TADA2B: variants seen among roughly 807,000 people sequenced by gnomAD.
The protein encoded by TADA2B is transcriptional adaptor 2B, also known as transcriptional adapter 2-beta.
A neutral mutation model predicts 34.5 loss-of-function variants in TADA2B; 13 were observed. The observed-to-expected ratio is 0.38, with a 90% confidence interval of 0.25 to 0.60. The LOEUF (loss-of-function observed/expected upper bound fraction) is 0.60, where lower values mean the gene tolerates loss of function less well. Ranked by LOEUF, TADA2B falls within the 20% of genes least tolerant of loss-of-function variation. The pLI is 0.65. For synonymous variants in TADA2B, 240 were observed against 243.4 expected (o/e 0.99, Z 0.13); for missense variants, 442 against 575.0 (o/e 0.77, Z 2.37).
intron 1 of TADA2B, among the ~76,000 whole-genome samples, chr4:7,051,418 G>C (rs1289086493): frequency 6.6e-6 from 1 of 152,132 alleles, no homozygotes; most frequent in Non-Finnish European, 1.5e-5. Context: ...CTGGGTGCTG[G>C]GAAGCTCCTG....
rs1337333187 is a variant in TADA2B, at chr4:7,054,916, T to G, written c.1125T>G (p.Ile375Met). 1 of 1,613,930 alleles carries G rather than the reference T, an allele frequency of 6.2e-7. No homozygotes were observed. Among genetic ancestry groups the G allele is most frequent in the Admixed American group, 1.7e-5 (1 of 60,020 alleles). ...SPARYVTVKT[I>M]IIKDHLQKRQ... Reference sequence around the variant, plus strand: ...CCCGCTACGTGACTGTGAAGACTATTATAATTAAAGACCACCTCCAGAAGC... The same window carrying G: ...CCCGCTACGTGACTGTGAAGACTATGATAATTAAAGACCACCTCCAGAAGC... The change falls in exon 2 of 2, where the codon ATT (isoleucine) becomes ATG (methionine). Residue 375 changes from isoleucine to methionine, a missense_variant. Ile to Met is a conservative substitution (Grantham distance 10). Around this residue, in one of 4 missense-constraint regions of TADA2B, gnomAD observed 114 missense variants for 144.7 expected, o/e 0.79. Transcript: ENST00000310074.
chr4:7,048,217 A>G (rs1577215515), intron 1 of TADA2B, among the ~76,000 whole-genome samples: 1 of 152,048 alleles, frequency 6.6e-6, no homozygotes, highest in Non-Finnish European at 1.5e-5. Context: ...GTGGGGACTT[A>G]CCTTCCCCGC....
At chr4:7,052,672 A>G (rs4689583) in intron 1 of TADA2B, among the ~76,000 whole-genome samples, 134,584 of 152,242 alleles carry the variant, frequency 0.88, 60,692 homozygotes, top group East Asian at 1. Flanking sequence ...TGCCGGCAAT[A>G]GTTGTGACTT....
intron 1 of TADA2B, among the ~76,000 whole-genome samples, chr4:7,051,197 T>C (rs941437843): frequency 6.6e-6 from 1 of 152,222 alleles, no homozygotes; most frequent in Non-Finnish European, 1.5e-5. Context: ...GAAGGCTTCC[T>C]GGACCCGGCG....
At chr4:7,049,015 C>T (rs149187114) in intron 1 of TADA2B, among the ~76,000 whole-genome samples, 9 of 152,214 alleles carry the variant, frequency 5.9e-5, no homozygotes, top group Admixed American at 2.0e-4. Flanking sequence ...TGAACAAGGC[C>T]GCTATGAAGA....
chr4:7,043,767 G>A lies in TADA2B; in HGVS notation c.188G>A (p.Gly63Glu). ...LVDGGRFTLW[G>E]PEAEGGWTSR... ...GACGGCGGGCGCTTCACGCTCTGGG[G>A]GCCCGAGGCCGAGGGCGGCTGGACC... The change falls in exon 1 of 2, where the codon GGG (glycine) becomes GAG (glutamate). Residue 63 changes from glycine (G) to glutamate (E), a missense_variant. Transcript: ENST00000310074. 1 of 1,575,944 alleles carries A rather than the reference G, an allele frequency of 6.3e-7. No individual in the cohort carries two copies. The highest frequency in any genetic ancestry group is 8.6e-7 in the Non-Finnish European group (1 of 1,165,300).
At chr4:7,050,081 G>A (rs542686732) in intron 1 of TADA2B, among the ~76,000 whole-genome samples, 1 of 152,368 alleles carries the variant, frequency 6.6e-6, no homozygotes, top group Non-Finnish European at 1.5e-5. Flanking sequence ...ATGTCTGCAC[G>A]CTTCTGCGGA....
chr4:7,046,684 A>C (rs996291542), intron 1 of TADA2B, among the ~76,000 whole-genome samples: 3 of 152,184 alleles, frequency 2.0e-5, no homozygotes, highest in Non-Finnish European at 4.4e-5. Flanking sequence ...GCCTGGACTC[A>C]TGGGCTGTGA....
At chr4:7,047,911 C>T (rs746946722) in intron 1 of TADA2B, among the ~76,000 whole-genome samples, 2 of 152,198 alleles carry the variant, frequency 1.3e-5, no homozygotes, top group Non-Finnish European at 2.9e-5. Flanking sequence ...TGCTTTGACA[C>T]GCGCCCCTCT....
At position 7,055,112 on chromosome 4, in the gene TADA2B, T is replaced by C; in HGVS notation, c.*58T>C. The C allele has an allele frequency of 1.3e-6, 2 of 1,509,050 alleles. No homozygotes were observed. The highest frequency in any genetic ancestry group is 2.3e-5 in the East Asian group (1 of 43,188). The allele number at this position is 1,509,050 out of a possible 1,614,324, so 93.5% of individuals were successfully genotyped here. On this transcript the variant is annotated 3_prime_UTR_variant, in exon 2 of 2. Coordinates refer to ENST00000310074, the MANE Select transcript of TADA2B (RefSeq NM_152293.3). Reference sequence around the variant, plus strand: ...CAGACAGTGTGCCAGCCAAAATGACTTGGGGGAGGGGAGCCGCTTCCCCAC... The same window carrying C: ...CAGACAGTGTGCCAGCCAAAATGACCTGGGGGAGGGGAGCCGCTTCCCCAC...
intron 1 of TADA2B, among the ~76,000 whole-genome samples, chr4:7,051,521 C>G (rs1723769729): frequency 6.6e-6 from 1 of 152,144 alleles, no homozygotes. Context: ...CTCCAGACTT[C>G]CAGATTTTTG....
intron 1 of TADA2B, among the ~76,000 whole-genome samples, chr4:7,048,875 TC>T (rs1723698831): frequency 6.6e-6 from 1 of 152,202 alleles, no homozygotes; most frequent in African/African-American, 2.4e-5. Context: ...TCAGGGATCA[TC>T]CGTGTTGTGG....
intron 1 of TADA2B, chr4:7,045,044 C>A (rs1723591590): frequency 1.3e-5 from 2 of 152,306 alleles, no homozygotes; most frequent in African/African-American, 4.8e-5. Flanking sequence ...TCCTTCCATG[C>A]TGTTTGTGGA....
In TADA2B at chr4:7,054,929, C is replaced by T. The variant is rs114337378; in HGVS notation, c.1138C>T (p.His380Tyr). ...VTVKTIIIKD[H>Y]LQKRQGIPSK... The stretch of plus-strand genomic sequence containing the variant: ...TGTGAAGACTATTATAATTAAAGAC[C>T]ACCTCCAGAAGCGGCAAGGAATCCC... The change falls in exon 2 of 2, where the codon CAC (histidine) becomes TAC (tyrosine). Residue 380 changes from histidine to tyrosine, a missense_variant. Around this residue, in one of 4 missense-constraint regions of TADA2B, gnomAD observed 114 missense variants for 144.7 expected, o/e 0.79. Transcript: ENST00000310074. 123 of 1,613,892 alleles carry T rather than the reference C, an allele frequency of 7.6e-5. No individual in the cohort carries two copies. In the African/African-American group the frequency reaches 1.6e-3, roughly 21 times the overall value.
chr4:7,054,849 A>G lies in TADA2B; in HGVS notation c.1058A>G (p.Asp353Gly). Residue 353 changes from aspartate (D) to glycine (G), a missense_variant, in exon 2 of 2, where the codon GAT becomes GGT. This residue lies in a region of TADA2B where 114 missense variants were observed against 144.7 expected (regional missense o/e 0.79). Coordinates refer to ENST00000310074, the MANE Select transcript of TADA2B (RefSeq NM_152293.3). ...CTTCCAGGCTTCGAGCTCCTGTCAG[A>G]TCGCGAGAAGGTGCTCTGCAGCTCT... is the stretch of plus-strand genomic sequence containing the variant. ...ENLPGFELLS[D>G]REKVLCSSLN... 6.2e-7 allele frequency: 1 copy of G among 1,613,952 alleles called. No individual in the cohort carries two copies.
In TADA2B at chr4:7,043,796, C is replaced by A; in HGVS notation, c.217C>A (p.Arg73Ser). ...GPEAEGGWTS[R>S]EEQLLLDAIE... Reference sequence around the variant, plus strand: ...CGAGGCCGAGGGCGGCTGGACCAGTCGCGAGGAGCAGCTGCTGCTGGACGC... The same window carrying A: ...CGAGGCCGAGGGCGGCTGGACCAGTAGCGAGGAGCAGCTGCTGCTGGACGC... The change falls in exon 1 of 2, where the codon CGC becomes AGC. Residue 73 changes from arginine to serine, a missense_variant. Physicochemically the swap from Arg to Ser is moderately radical, Grantham distance 110. Coordinates refer to ENST00000310074, the MANE Select transcript of TADA2B (RefSeq NM_152293.3). 1 of 1,540,386 alleles carries A rather than the reference C, an allele frequency of 6.5e-7. No homozygotes were observed. The highest frequency in any genetic ancestry group is 1.8e-5 in the Admixed American group (1 of 54,690).
intron 1 of TADA2B, among the ~76,000 whole-genome samples, chr4:7,046,689 C>G (rs1723639573): frequency 6.6e-6 from 1 of 152,222 alleles, no homozygotes; most frequent in African/African-American, 2.4e-5. Context: ...GACTCATGGG[C>G]TGTGACTGTG....
chr4:7,044,815 T>G (rs559944830), intron 1 of TADA2B, among the ~76,000 whole-genome samples: 27 of 152,296 alleles, frequency 1.8e-4, no homozygotes, highest in African/African-American at 5.8e-4. Flanking sequence ...ACAGCATCCA[T>G]CTCGCTGCCA....
chr4:7,047,020 C>CTTGG (rs1373824227), intron 1 of TADA2B, among the ~76,000 whole-genome samples: 4 of 152,050 alleles, frequency 2.6e-5, no homozygotes, highest in African/African-American at 9.7e-5. Context: ...GTTAAAGGAC[C>CTTGG]TTGGCTACAG....
Sources: allele counts gnomAD v4.1 joint callset (sites outside exome capture counted in the v4.1 genomes callset), GRCh38; gene constraint gnomAD v4.1.1; regional missense constraint gnomAD v4.1.1; transcripts MANE v1.5; gene names NCBI Gene and HGNC (gene_info 2026-07-23, HGNC 2026-07-21).